Variants in LIPC observed in about 807,000 individuals in gnomAD.
LIPC encodes lipase C, hepatic type.
A neutral mutation model predicts 50.7 loss-of-function variants in LIPC; 44 were observed. The ratio of observed to expected loss-of-function variants is 0.87; its 90% CI spans 0.68 to 1.11. LIPC has a LOEUF of 1.11. Among genes scored for constraint, LIPC ranks in the 50% most tolerant of loss-of-function variants. The probability of loss-of-function intolerance (pLI) is 0.00; values close to 1 mark genes in which losing one functional copy is unlikely to be tolerated. For missense variants in LIPC, 697 were observed against 648.2 expected (o/e 1.08, Z -0.82); for synonymous variants, 271 against 256.4 (o/e 1.06, Z -0.54).
chr15:58,569,662 T>C lies in LIPC; in HGVS notation c.*835T>C, dbSNP rs1894486580. ...AGGGTGGAGCCCTCATAAGTGGGATTAGTGCCCTTATAGGGGATAAAGGAT... is the reference window on the plus strand; with the variant it reads ...AGGGTGGAGCCCTCATAAGTGGGATCAGTGCCCTTATAGGGGATAAAGGAT... On this transcript the variant is annotated 3_prime_UTR_variant, in exon 9 of 9. Transcript: ENST00000299022. 1 of 152,178 alleles carries C rather than the reference T, an allele frequency of 6.6e-6. No homozygotes were observed. Among genetic ancestry groups the C allele is most frequent in the African/African-American group, 2.4e-5 (1 of 41,422 alleles). 9.4% of individuals were successfully genotyped at this position (152,178 alleles called of 1,614,324 possible). A position where few individuals can be genotyped will look rare whatever the true frequency, so the allele number is the denominator to read the frequency against.
At chr15:58,510,191 G>A (rs1892288069) in intron 1 of LIPC, among the ~76,000 whole-genome samples, 1 of 152,216 alleles carries the variant, frequency 6.6e-6, no homozygotes. Context: ...ATGGGAAACA[G>A]ATACTTTATG....
chr15:58,496,956 A>G (rs1438322371), intron 1 of LIPC, among the ~76,000 whole-genome samples: 2 of 152,250 alleles, frequency 1.3e-5, no homozygotes, highest in East Asian at 3.9e-4. Context: ...AAGTGCTGGG[A>G]TTACAGGCAT....
At chr15:58,504,126 C>G (rs1410097823) in intron 1 of LIPC, among the ~76,000 whole-genome samples, 1 of 152,190 alleles carries the variant, frequency 6.6e-6, no homozygotes, top group Non-Finnish European at 1.5e-5. Context: ...AGCCAGAGTG[C>G]AGGGCCACAG....
intron 1 of LIPC, among the ~76,000 whole-genome samples, chr15:58,463,717 C>A (rs189533272): frequency 8.1e-4 from 123 of 152,300 alleles, no homozygotes; most frequent in Non-Finnish European, 1.4e-3. Flanking sequence ...TCTCGGCGAC[C>A]TAGGCATTGG....
rs112693819 is a variant in LIPC, at chr15:58,565,158, T to C, written c.1388+1435T>C. On this transcript the variant is annotated intron_variant, in intron 8 of 8. Coordinates refer to ENST00000299022, the MANE Select transcript of LIPC (RefSeq NM_000236.3). ...AAAATCCTGGCAATTACTGAGAGCA[T>C]ACTCTGCCGTCTGCCAACAGATCTC... The C allele has an allele frequency of 4.5e-4, 685 of 1,528,716 alleles. 7 individuals are homozygous for C. In the African/African-American group the frequency reaches 5.5e-3, roughly 12 times the overall value. 94.7% of individuals were successfully genotyped at this position (1,528,716 alleles called of 1,614,324 possible).
chr15:58,552,303 G>C (rs758974283), intron 6 of LIPC, among the ~76,000 whole-genome samples: 2 of 152,226 alleles, frequency 1.3e-5, no homozygotes, highest in Non-Finnish European at 2.9e-5. Flanking sequence ...CAGAGACACG[G>C]TCAGGGCAAA....
chr15:58,494,089 A>T (rs2140816159), intron 1 of LIPC, among the ~76,000 whole-genome samples: 1 of 152,364 alleles, frequency 6.6e-6, no homozygotes, highest in Non-Finnish European at 1.5e-5. Flanking sequence ...AGCTACTGGG[A>T]CAGAGGCTTC....
chr15:58,568,901 C>T lies in LIPC; in HGVS notation c.*74C>T. 2.5e-6 allele frequency: 2 copies of T among 788,640 alleles called. No individual in the cohort carries two copies. Among genetic ancestry groups the T allele is most frequent in the South Asian group, 3.6e-5 (2 of 54,802 alleles). The allele number at this position is 788,640 out of a possible 1,614,324, so 48.9% of individuals were successfully genotyped here. The stretch of plus-strand genomic sequence containing the variant: ...CTGGAATGGCTGCCTTATTTAGAAG[C>T]CAAAATTACATAAAGAATCTCACAC... On this transcript the variant is annotated 3_prime_UTR_variant, in exon 9 of 9. Transcript: ENST00000299022.
At chr15:58,499,575 T>C (rs1156445130) in intron 1 of LIPC, among the ~76,000 whole-genome samples, 5 of 152,130 alleles carry the variant, frequency 3.3e-5, no homozygotes, top group Non-Finnish European at 7.4e-5. Context: ...CTATGTCCAG[T>C]CAGCCACCGA....
At position 58,541,785 on chromosome 15, in the gene LIPC, G is replaced by A; in HGVS notation, c.274G>A (p.Val92Met). Residue 92 changes from valine (V) to methionine (M), a missense_variant and splice_region_variant, in exon 3 of 9, where the codon GTG becomes ATG. By Grantham distance (21) the Val-to-Met change is conservative. Coordinates refer to ENST00000299022, the MANE Select transcript of LIPC (RefSeq NM_000236.3). ...GACCCTCCCTCTGTCCCCTCCTCAG[G>A]TGGACGGCGTGCTAGAAAACTGGAT... ...PLVMIIHGWS[V>M]DGVLENWIWQ... is the part of the protein sequence containing the mutation. 1.2e-6 allele frequency: 2 copies of A among 1,613,350 alleles called. No homozygotes were observed. The highest frequency in any genetic ancestry group is 1.7e-6 in the Non-Finnish European group (2 of 1,179,882).
chr15:58,458,060 A>C (rs1249704965), intron 1 of LIPC, among the ~76,000 whole-genome samples: 1 of 152,204 alleles, frequency 6.6e-6, no homozygotes, highest in African/African-American at 2.4e-5. Context: ...CAATAACAAA[A>C]ATTAAATGGC....
intron 1 of LIPC, among the ~76,000 whole-genome samples, chr15:58,524,891 T>A (rs1294880824): frequency 1.3e-5 from 2 of 152,200 alleles, no homozygotes; most frequent in African/African-American, 2.4e-5. Flanking sequence ...GGTCTTTTTT[T>A]AATTTAGTTG....
At chr15:58,488,802 C>T (rs963777898) in intron 1 of LIPC, among the ~76,000 whole-genome samples, 2 of 152,198 alleles carry the variant, frequency 1.3e-5, no homozygotes, top group Non-Finnish European at 2.9e-5. Flanking sequence ...CCAAAGACCA[C>T]TCCCATAAAG....
At chr15:58,438,669 C>G (rs1335420959) in intron 1 of LIPC, among the ~76,000 whole-genome samples, 4 of 152,064 alleles carry the variant, frequency 2.6e-5, no homozygotes, top group African/African-American at 9.7e-5. Flanking sequence ...TCACTCCAGC[C>G]CTGGAGGAGT....
chr15:58,470,620 G>C (rs1177942999), intron 1 of LIPC, among the ~76,000 whole-genome samples: 1 of 134,366 alleles, frequency 7.4e-6, no homozygotes, highest in Non-Finnish European at 1.6e-5. Context: ...TTTTGGTAGA[G>C]ACGAAATCTC....
chr15:58,549,516 T>C (rs1212156646), intron 6 of LIPC, among the ~76,000 whole-genome samples: 1 of 152,220 alleles, frequency 6.6e-6, no homozygotes, highest in African/African-American at 2.4e-5. Context: ...GGGCTGGTTA[T>C]TATCCCATTC....
intron 1 of LIPC, among the ~76,000 whole-genome samples, chr15:58,444,860 G>C (rs1031716444): frequency 7.2e-5 from 11 of 152,228 alleles, no homozygotes; most frequent in Non-Finnish European, 1.6e-4. Context: ...CCCGGGTCCT[G>C]GGCTTGGCAC....
At position 58,564,164 on chromosome 15, in the gene LIPC, C is replaced by CTCTG. The variant is rs1307510123; in HGVS notation, c.1388+444_1388+445insGTCT. Among the ~76,000 whole-genome samples, 22 of 151,742 alleles carry CTCTG rather than the reference C, an allele frequency of 1.4e-4. No homozygotes were observed. The South Asian group carries it at 1.9e-3, about 13-fold the overall frequency. On this transcript the variant is annotated intron_variant, in intron 8 of 8. Transcript: ENST00000299022. ...AAAATCTCGATGTATCTCTCTCTCT[C>CTCTG]TCTCTCTCTCTGTGGTCGTATCTTT...
chr15:58,537,658 C>A (rs369555510), intron 1 of LIPC, among the ~76,000 whole-genome samples: 3 of 152,100 alleles, frequency 2.0e-5, no homozygotes, highest in South Asian at 2.1e-4. Flanking sequence ...ACCCCCGCAA[C>A]AAAACACACA....
Sources: gnomAD v4.1 joint callset for allele counts (sites outside exome capture counted in the v4.1 genomes callset) on GRCh38, gnomAD v4.1.1 for gene constraint, MANE v1.5 for transcripts, NCBI Gene and HGNC (gene_info 2026-07-23, HGNC 2026-07-21) for gene names.